Variants in NLGN1 observed in about 807,000 individuals in gnomAD.
The protein encoded by NLGN1 is neuroligin 1, also known as neuroligin-1.
Under a neutral mutation model 65.5 loss-of-function variants are expected in NLGN1, and 12 were observed. The ratio of observed to expected loss-of-function variants is 0.18; its 90% CI spans 0.12 to 0.30. The LOEUF is 0.30. Ranked by LOEUF, NLGN1 falls within the 10% of genes least tolerant of loss-of-function variation. The pLI is 1.00. For missense variants in NLGN1, 750 were observed against 1,007.1 expected (o/e 0.74, Z 3.46); for synonymous variants, 350 against 359.5 (o/e 0.97, Z 0.30).
At chr3:173,582,696 T>C (rs1176423739) in intron 2 of NLGN1, among the ~76,000 whole-genome samples, 1 of 152,138 alleles carries the variant, frequency 6.6e-6, no homozygotes, top group Non-Finnish European at 1.5e-5. Flanking sequence ...AATCCTTCTT[T>C]GATTATATGC....
intron 4 of NLGN1, among the ~76,000 whole-genome samples, chr3:174,078,739 C>A (rs923470505): frequency 8.5e-5 from 13 of 152,208 alleles, no homozygotes; most frequent in Admixed American, 3.9e-4. Flanking sequence ...ACGCCATAGT[C>A]TCTGAAAAAG....
At chr3:173,993,573 A>C (rs1721583952) in intron 4 of NLGN1, among the ~76,000 whole-genome samples, 1 of 152,094 alleles carries the variant, frequency 6.6e-6, no homozygotes, top group Admixed American at 6.6e-5. Flanking sequence ...ATGGAGTTGC[A>C]GGTCCCAGAC....
upstream of NLGN1, chr3:173,396,814 GCT>G: frequency 6.6e-6 from 1 of 152,292 alleles, no homozygotes. Flanking sequence ...ACCCTTCTCT[GCT>G]CTCTCTCTTC....
Position 174,015,486 on chromosome 3 carries a change from G to T in NLGN1, c.646+207654G>T, listed in dbSNP as rs142575949. ...TATGGACACTAATCCTCTCATGAGG[G>T]CCCCATTTTTAGGAGCTTATCTAAA... On this transcript the variant is annotated intron_variant, in intron 4 of 6. Coordinates refer to ENST00000457714, the Ensembl canonical transcript of NLGN1. Among the ~76,000 whole-genome samples, 156 of 152,122 alleles carry T rather than the reference G, an allele frequency of 1.0e-3. 1 individual carries two copies. The highest frequency in any genetic ancestry group is 3.5e-3 in the African/African-American group (146 of 41,504).
intron 4 of NLGN1, among the ~76,000 whole-genome samples, chr3:174,142,461 G>A (rs1479392458): frequency 1.3e-5 from 2 of 152,032 alleles, no homozygotes; most frequent in African/African-American, 2.4e-5. Context: ...TATGTGCCTA[G>A]GTGTAGTTTC....
At chr3:173,648,763 T>C (rs188686601) in intron 3 of NLGN1, among the ~76,000 whole-genome samples, 48 of 152,124 alleles carry the variant, frequency 3.2e-4, no homozygotes, top group Admixed American at 9.2e-4. Context: ...TTAGTAGAGA[T>C]GGGATTTCAC....
chr3:174,050,319 G>A (rs978774005), intron 4 of NLGN1, among the ~76,000 whole-genome samples: 2 of 151,994 alleles, frequency 1.3e-5, no homozygotes, highest in South Asian at 2.1e-4. Context: ...GATCACTTTA[G>A]GATCATGTTT....
chr3:173,703,704 T>C (rs1767603401), intron 3 of NLGN1, among the ~76,000 whole-genome samples: 1 of 152,208 alleles, frequency 6.6e-6, no homozygotes, highest in Admixed American at 6.5e-5. Context: ...ATGGAGATAG[T>C]GTCATACTTT....
At chr3:173,768,236 A>G (rs1313994150) in intron 3 of NLGN1, among the ~76,000 whole-genome samples, 1 of 152,184 alleles carries the variant, frequency 6.6e-6, no homozygotes, top group Admixed American at 6.5e-5. Flanking sequence ...TAATTCATTG[A>G]ATTTTAGAGA....
intron 4 of NLGN1, among the ~76,000 whole-genome samples, chr3:174,052,146 A>G (rs1250605306): frequency 6.6e-6 from 1 of 151,956 alleles, no homozygotes; most frequent in Non-Finnish European, 1.5e-5. Context: ...TTTTTTCTCC[A>G]TGAACCATTT....
chr3:173,900,535 A>G (rs545294343), intron 4 of NLGN1, among the ~76,000 whole-genome samples: 21 of 152,144 alleles, frequency 1.4e-4, no homozygotes, highest in South Asian at 6.2e-4. Flanking sequence ...AGTATTACTA[A>G]ATATGGTTTT....
At chr3:174,144,815 A>T (rs1449319675) in intron 4 of NLGN1, among the ~76,000 whole-genome samples, 1 of 152,124 alleles carries the variant, frequency 6.6e-6, no homozygotes, top group African/African-American at 2.4e-5. Flanking sequence ...CCTTTGTCAG[A>T]TGGATAGATT....
chr3:174,036,584 G>GTT (rs34399860), intron 4 of NLGN1, among the ~76,000 whole-genome samples: 4,602 of 141,486 alleles, frequency 0.033, 184 homozygotes, highest in African/African-American at 0.089. Flanking sequence ...GTTTTTTGTT[G>GTT]TTTTTTTTTT....
chr3:173,854,295 C>T (rs1727533302), intron 4 of NLGN1, among the ~76,000 whole-genome samples: 1 of 151,984 alleles, frequency 6.6e-6, no homozygotes. Context: ...TGTCCTATTG[C>T]TACTCTGCCA....
intron 3 of NLGN1, among the ~76,000 whole-genome samples, chr3:173,725,609 T>C (rs535466149): frequency 6.6e-6 from 1 of 152,296 alleles, no homozygotes; most frequent in South Asian, 2.1e-4. Context: ...ATTGCATTAG[T>C]TTTCTATGCT....
chr3:174,285,844 T>C (rs1050235517), exon 7 of NLGN1: 2 of 151,504 alleles, frequency 1.3e-5, no homozygotes, highest in Non-Finnish European at 3.0e-5. Context: ...AAGAGTACAA[T>C]AGGATGACTA....
At chr3:173,725,066 C>T (rs764721697) in intron 3 of NLGN1, among the ~76,000 whole-genome samples, 2 of 151,948 alleles carry the variant, frequency 1.3e-5, no homozygotes, top group Non-Finnish European at 2.9e-5. Flanking sequence ...GGAGATATAC[C>T]TAATGAATGT....
Position 173,759,433 on chromosome 3 carries a change from T to C in NLGN1, c.494-48247T>C, listed in dbSNP as rs530633507. Among the ~76,000 whole-genome samples, 183 of 152,152 alleles carry C rather than the reference T, an allele frequency of 1.2e-3. 1 individual carries two copies. Among genetic ancestry groups the C allele is most frequent in the African/African-American group, 4.2e-3 (174 of 41,558 alleles). ...GTTCATCAATTAACGTCTTTGTACA[T>C]AGCAGTGATTTAATCTCTATGGGAG... On this transcript the variant is annotated intron_variant, in intron 3 of 6. Coordinates refer to ENST00000457714, the Ensembl canonical transcript of NLGN1.
intron 4 of NLGN1, among the ~76,000 whole-genome samples, chr3:173,929,519 G>A (rs1314778155): frequency 6.7e-6 from 1 of 149,624 alleles, no homozygotes; most frequent in Non-Finnish European, 1.5e-5. Context: ...TAGGTGTTAT[G>A]TGACTTTAGA....
Sources: gnomAD v4.1 joint callset for allele counts (sites outside exome capture counted in the v4.1 genomes callset) on GRCh38, gnomAD v4.1.1 for gene constraint, MANE v1.5 for transcripts, NCBI Gene and HGNC (gene_info 2026-07-23, HGNC 2026-07-21) for gene names.